The following DCC variants were observed in gnomAD, a reference collection of about 807,000 sequenced individuals.
The protein encoded by DCC is DCC netrin 1 receptor.
In DCC, 58 loss-of-function variants were observed where a neutral mutation model predicts 172.5. That is an observed-to-expected ratio of 0.34 (90% CI 0.27 to 0.42). The LOEUF is 0.42. DCC is among the 10% of genes least tolerant of loss of function. DCC has a pLI of 1.00. For synonymous variants in DCC, 709 were observed against 644.5 expected, an observed-to-expected ratio of 1.10 and a Z score of -1.52; for missense variants, 1,740 against 1,791.0, an observed-to-expected ratio of 0.97 and a Z score of 0.51.
At chr18:53,407,943 A>G (rs1335929725) in intron 19 of DCC, among the ~76,000 whole-genome samples, 1 of 152,184 alleles carries the variant, frequency 6.6e-6, no homozygotes, top group African/African-American at 2.4e-5. Context: ...TAGAACTCCA[A>G]GTTTAATATT....
chr18:52,518,522 G>A (rs571873536), intron 1 of DCC, among the ~76,000 whole-genome samples: 1 of 152,302 alleles, frequency 6.6e-6, no homozygotes, highest in Admixed American at 6.5e-5. Flanking sequence ...TTACAGGAAG[G>A]TAGTCATAGA....
intron 1 of DCC, among the ~76,000 whole-genome samples, chr18:52,556,716 G>A (rs1337755814): frequency 6.6e-6 from 1 of 151,684 alleles, no homozygotes; most frequent in Non-Finnish European, 1.5e-5. Flanking sequence ...ATGCTTAATG[G>A]CAACACTCCT....
intron 12 of DCC, among the ~76,000 whole-genome samples, chr18:53,263,815 TATA>T (rs2056634805): frequency 6.6e-6 from 1 of 151,898 alleles, no homozygotes; most frequent in African/African-American, 2.4e-5. Context: ...TTATGATATT[TATA>T]ATATTAATAT....
chr18:52,683,473 T>TA (rs2035781467), intron 1 of DCC, among the ~76,000 whole-genome samples: 2 of 152,110 alleles, frequency 1.3e-5, no homozygotes, highest in South Asian at 4.1e-4. Flanking sequence ...TTTTTCACTT[T>TA]AGATAGTATG....
At chr18:53,287,852 C>G (rs1348668623) in intron 12 of DCC, among the ~76,000 whole-genome samples, 1 of 152,214 alleles carries the variant, frequency 6.6e-6, no homozygotes, top group Admixed American at 6.5e-5. Flanking sequence ...ACAAAAGAGA[C>G]TATTAAAAAA....
At chr18:52,847,703 GAC>G (rs1467853068) in intron 2 of DCC, among the ~76,000 whole-genome samples, 1 of 152,102 alleles carries the variant, frequency 6.6e-6, no homozygotes, top group African/African-American at 2.4e-5. Flanking sequence ...TACATCCTCT[GAC>G]TATTAGTTTC....
chr18:53,353,528 A>AT lies in DCC; in HGVS notation c.2359+13630dup, dbSNP rs34755819. Among the ~76,000 whole-genome samples, 15 of 151,226 alleles carry AT rather than the reference A, an allele frequency of 9.9e-5. No individual in the cohort carries two copies. The South Asian group carries it at 1.0e-3, about 11-fold the overall frequency. On this transcript the variant is annotated intron_variant, in intron 15 of 28. Coordinates refer to ENST00000442544, the MANE Select transcript of DCC (RefSeq NM_005215.4). ...TTATTTTAGATATTTAACTGGTGTC[A>AT]TTTTTTTTTACATCTTGAAGGACTT...
chr18:52,668,255 G>A (rs184505405), intron 1 of DCC, among the ~76,000 whole-genome samples: 2 of 152,224 alleles, frequency 1.3e-5, no homozygotes, highest in South Asian at 2.1e-4. Flanking sequence ...GGGGCTCCCC[G>A]ACTTGTTTTT....
intron 1 of DCC, among the ~76,000 whole-genome samples, chr18:52,607,991 C>T (rs879870962): frequency 2.0e-5 from 3 of 152,070 alleles, no homozygotes; most frequent in Non-Finnish European, 4.4e-5. Flanking sequence ...TAGTGACTTG[C>T]AACATGGAGG....
intron 1 of DCC, among the ~76,000 whole-genome samples, chr18:52,418,859 T>TTTCC (rs1491142193): frequency 7.2e-5 from 1 of 13,970 alleles, no homozygotes; most frequent in African/African-American, 1.2e-3. Context: ...TCTTTCTTTC[T>TTTCC]TTTTTTTTTT....
chr18:53,377,324 A>C (rs1374196355), intron 15 of DCC, among the ~76,000 whole-genome samples: 3 of 149,714 alleles, frequency 2.0e-5, no homozygotes, highest in East Asian at 4.1e-4. Flanking sequence ...CCCATGGTGG[A>C]AGGCAGAAGG....
chr18:52,464,770 C>T (rs974364218), intron 1 of DCC, among the ~76,000 whole-genome samples: 42 of 151,690 alleles, frequency 2.8e-4, no homozygotes, highest in Non-Finnish European at 5.4e-4. Context: ...TTTTTTTCTC[C>T]CCATGGGAAA....
rs1264103171 is a variant in DCC at position 53,535,130 on chromosome 18, G to A, written c.*4477G>A. ...GGTAAATCTGACAATTCTGAACTTT[G>A]TGAATTGTCAGCTTGTTTGGGGGAA... On this transcript the variant is annotated 3_prime_UTR_variant, in exon 29 of 29. Transcript: ENST00000442544. The A allele has an allele frequency of 8.0e-6, 1 of 125,352 alleles. No homozygotes were observed. Among genetic ancestry groups the A allele is most frequent in the Non-Finnish European group, 1.6e-5 (1 of 61,942 alleles). 7.8% of individuals were successfully genotyped at this position (125,352 alleles called of 1,614,324 possible).
At chr18:53,060,726 C>G (rs2042482739) in intron 5 of DCC, among the ~76,000 whole-genome samples, 1 of 152,058 alleles carries the variant, frequency 6.6e-6, no homozygotes, top group Admixed American at 6.6e-5. Flanking sequence ...ATCAGCTTTG[C>G]TTTATTTAGT....
chr18:53,422,241 A>T (rs1910676899), intron 21 of DCC, among the ~76,000 whole-genome samples: 1 of 152,178 alleles, frequency 6.6e-6, no homozygotes, highest in Admixed American at 6.5e-5. Context: ...ACTTACTTTC[A>T]AAACAACTTG....
At chr18:52,341,333 T>C (rs1363573990) in intron 1 of DCC, among the ~76,000 whole-genome samples, 1 of 152,082 alleles carries the variant, frequency 6.6e-6, no homozygotes, top group East Asian at 1.9e-4. Context: ...GAGTCGTTGG[T>C]GTGTGAATAC....
At chr18:52,985,208 A>G (rs2041273672) in intron 5 of DCC, among the ~76,000 whole-genome samples, 1 of 151,836 alleles carries the variant, frequency 6.6e-6, no homozygotes, top group Non-Finnish European at 1.5e-5. Context: ...TGCTTCCTCC[A>G]TGCTTGGGTT....
At chr18:52,620,486 C>T (rs989119117) in intron 1 of DCC, among the ~76,000 whole-genome samples, 7 of 152,200 alleles carry the variant, frequency 4.6e-5, no homozygotes, top group Non-Finnish European at 1.0e-4. Flanking sequence ...CCGAATAAAT[C>T]TCTTCCTAAG....
chr18:53,279,463 C>G (rs1328352579), intron 12 of DCC, among the ~76,000 whole-genome samples: 1 of 129,550 alleles, frequency 7.7e-6, no homozygotes, highest in African/African-American at 3.0e-5. Context: ...CACATGGACA[C>G]AGGAAGGGGA....
Sources: gnomAD v4.1 joint callset for allele counts (sites outside exome capture counted in the v4.1 genomes callset) on GRCh38, gnomAD v4.1.1 for gene constraint, MANE v1.5 for transcripts, NCBI Gene and HGNC (gene_info 2026-07-23, HGNC 2026-07-21) for gene names.